The following ITSN2 variants were observed in gnomAD, a reference collection of about 807,000 sequenced individuals.
ITSN2 encodes intersectin 2.
Under a neutral mutation model 243.7 loss-of-function variants are expected in ITSN2, and 156 were observed. The ratio of observed to expected loss-of-function variants is 0.64; its 90% confidence interval spans 0.56 to 0.73. The LOEUF (loss-of-function observed/expected upper bound fraction) is 0.73. Ranked by LOEUF, ITSN2 falls within the 30% of genes least tolerant of loss-of-function variation. ITSN2 has a pLI of 0.00. For missense variants in ITSN2, 1,801 were observed against 1,996.1 expected (o/e 0.90, Z 1.86); for synonymous variants, 703 against 699.9 (o/e 1.00, Z -0.07).
In ITSN2 at chr2:24,216,208, G is replaced by A. The variant is rs146336289; in HGVS notation, c.3831C>T (p.Thr1277=). The A allele has an allele frequency of 8.0e-5, 128 of 1,605,186 alleles. No individual in the cohort carries two copies. In the African/African-American group the frequency reaches 1.3e-3, roughly 17 times the overall value. ...LLKALRVRKK[T]GGEKMPVQMI... ...TCTGCACCGGCATCTTCTCGCCCCCGGTCTTCTTCCGCACCCGCAAAGCCC... is the reference window on the plus strand; with the variant it reads ...TCTGCACCGGCATCTTCTCGCCCCCAGTCTTCTTCCGCACCCGCAAAGCCC... The change falls in exon 32 of 40, where the codon ACC becomes ACT. Residue 1277 remains threonine, a synonymous_variant. Coordinates refer to ENST00000355123, the MANE Select transcript of ITSN2 (RefSeq NM_006277.3).
At chr2:24,309,512 T>C (rs1404636597) in intron 7 of ITSN2, among the ~76,000 whole-genome samples, 1 of 152,204 alleles carries the variant, frequency 6.6e-6, no homozygotes, top group Non-Finnish European at 1.5e-5. Flanking sequence ...TGGTGACTGC[T>C]TTTGCATTTT....
chr2:24,246,850 T>A lies in ITSN2; in HGVS notation c.3332A>T (p.His1111Leu), dbSNP rs1042593994. The A allele has an allele frequency of 3.7e-6, 6 of 1,613,304 alleles. No individual in the cohort carries two copies. Among genetic ancestry groups the A allele is most frequent in the Admixed American group, 1.7e-5 (1 of 59,950 alleles). ...KRQKGWFPAS[H>L]VKLLGPSSER... ...ACTACTTGGACCCAAAAGTTTAACA[T>A]GACTGGCAGGAAACCATCCTTTCTG... Residue 1111 changes from histidine to leucine, a missense_variant, in exon 28 of 40, where the codon CAT becomes CTT. By Grantham distance (99) the His-to-Leu change is moderately conservative (BLOSUM62 -3). Transcript: ENST00000355123.
chr2:24,310,452 A>G, intron 6 of ITSN2, 37 bp downstream of exon 6: 1 of 1,608,456 alleles, frequency 6.2e-7, no homozygotes, highest in Non-Finnish European at 8.5e-7. Flanking sequence ...TTCTTTCTTT[A>G]CATGAAATAA....
intron 8 of ITSN2, among the ~76,000 whole-genome samples, chr2:24,306,863 T>C (rs1320487941): frequency 2.0e-5 from 3 of 151,970 alleles, no homozygotes; most frequent in Admixed American, 1.3e-4. Context: ...TGGAGTGCAC[T>C]GGCGCAATCT....
rs750854443 is a variant in ITSN2, at chr2:24,246,252, G to A, written c.3454C>T (p.Gln1152Ter). 6.2e-7 allele frequency: 1 copy of A among 1,612,572 alleles called. No homozygotes were observed. The highest frequency in any genetic ancestry group is 1.1e-5 in the South Asian group (1 of 91,032). ...TCTTTGTTCATAACATTAATGAGTT[G>A]TCCCTTGGAGAAACTGAGCTCATCT... ...NEDELSFSKGQLINVMNKDDP... is the reference protein window; with the variant it reads ...NEDELSFSKG The change falls in exon 29 of 40, where the codon CAA becomes TAA. Residue 1152 changes from glutamine to a stop codon, truncating the protein, a stop_gained. Transcript: ENST00000355123. LOFTEE classifies it high-confidence loss of function.
intron 29 of ITSN2, chr2:24,241,051 T>C (rs1048225353): frequency 2.0e-5 from 3 of 152,182 alleles, no homozygotes; most frequent in Admixed American, 6.5e-5. Context: ...AGAAGCTCCA[T>C]GAACACAGAG....
chr2:24,290,600 GT>G (rs1680122295), intron 15 of ITSN2, among the ~76,000 whole-genome samples: 1 of 152,050 alleles, frequency 6.6e-6, no homozygotes, highest in Non-Finnish European at 1.5e-5. Flanking sequence ...TTTTTAAGTT[GT>G]TTTTATGTTT....
chr2:24,244,578 C>T (rs1451921938), intron 29 of ITSN2, among the ~76,000 whole-genome samples: 1 of 152,132 alleles, frequency 6.6e-6, no homozygotes, highest in Non-Finnish European at 1.5e-5. Flanking sequence ...TCTTCCAAAC[C>T]CAGTAGGTCT....
chr2:24,248,235 G>T (rs921106731), intron 27 of ITSN2, among the ~76,000 whole-genome samples: 1 of 151,902 alleles, frequency 6.6e-6, no homozygotes, highest in Non-Finnish European at 1.5e-5. Context: ...GACCACTAGC[G>T]GACAGCCCAA....
chr2:24,207,404 A>G (rs569172463), intron 37 of ITSN2, among the ~76,000 whole-genome samples: 1 of 152,184 alleles, frequency 6.6e-6, no homozygotes, highest in East Asian at 1.9e-4. Flanking sequence ...TGCTGGAAGG[A>G]GGCTGGTGGT....
intron 1 of ITSN2, among the ~76,000 whole-genome samples, chr2:24,350,036 G>A (rs946015770): frequency 2.0e-5 from 3 of 152,062 alleles, no homozygotes; most frequent in Non-Finnish European, 2.9e-5. Flanking sequence ...TAGAGCCCTC[G>A]GTAAGTTCTA....
At chr2:24,308,574 A>G (rs769935782) in intron 8 of ITSN2, 43 bp downstream of exon 8, 9 of 1,268,376 alleles carry the variant, frequency 7.1e-6, no homozygotes, top group Non-Finnish European at 8.2e-6. Context: ...AAGTCCACAT[A>G]AAAGACCCTT....
chr2:24,203,625 C>A lies in ITSN2; in HGVS notation c.*1G>T, dbSNP rs527596303. ...CCCGCTGGTGCTGTCCTTTAGAACC[C>A]CTACAGGAGAGTTTTTTGCTCAAAA... On this transcript the variant is annotated 3_prime_UTR_variant, in exon 40 of 40. Coordinates refer to ENST00000355123, the MANE Select transcript of ITSN2 (RefSeq NM_006277.3). The A allele has an allele frequency of 6.2e-7, 1 of 1,613,262 alleles. No homozygotes were observed. Among genetic ancestry groups the A allele is most frequent in the East Asian group, 2.2e-5 (1 of 44,878 alleles).
chr2:24,335,507 A>T lies in ITSN2; in HGVS notation c.-33-7392T>A, dbSNP rs190619963. ...ACCACCATGCTCAGCTAATTTTTAA[A>T]TTTTTTTGTAGAGATGCGGCCTCAC... On this transcript the variant is annotated intron_variant, in intron 1 of 39. Transcript: ENST00000355123. Among the ~76,000 whole-genome samples the T allele has an allele frequency of 5.8e-3, 876 of 152,092 alleles. 12 individuals are homozygous for T. Among genetic ancestry groups the T allele is most frequent in the African/African-American group, 0.02 (838 of 41,484 alleles).
At chr2:24,297,960 A>C (rs960529560) in intron 13 of ITSN2, among the ~76,000 whole-genome samples, 3 of 152,026 alleles carry the variant, frequency 2.0e-5, no homozygotes, top group African/African-American at 4.8e-5. Context: ...CTAATTCACG[A>C]GAGATTTTAA....
chr2:24,311,001 T>A (rs1360951486), intron 5 of ITSN2, among the ~76,000 whole-genome samples: 1 of 152,208 alleles, frequency 6.6e-6, no homozygotes, highest in Non-Finnish European at 1.5e-5. Context: ...AAGAATACAT[T>A]ACCAGATCAA....
intron 2 of ITSN2, chr2:24,321,752 GC>G (rs1278522561): frequency 6.6e-6 from 1 of 152,118 alleles, no homozygotes; most frequent in Admixed American, 6.5e-5. Context: ...AAATTATGAT[GC>G]TGATTTTAAA....
chr2:24,357,270 C>T (rs1350461928), intron 1 of ITSN2, among the ~76,000 whole-genome samples: 2 of 152,136 alleles, frequency 1.3e-5, no homozygotes, highest in African/African-American at 2.4e-5. Context: ...ATGTGATATA[C>T]ATACACCATG....
chr2:24,301,179 T>C lies in ITSN2; in HGVS notation c.1056A>G (p.Glu352=). Residue 352 remains glutamate (E), a synonymous_variant, in exon 11 of 40, where the codon GAA becomes GAG. Transcript: ENST00000355123. ...GTLPSYQKMQ[E]EEPQKKLPVT... ...CTGGTAATTTCTTCTGAGGCTCCTC[T>C]TCTTGCATTTTCTGATATGAAGGCA... 1 of 1,607,944 alleles carries C rather than the reference T, an allele frequency of 6.2e-7. No homozygotes were observed. The highest frequency in any genetic ancestry group is 8.5e-7 in the Non-Finnish European group (1 of 1,176,006).
Sources: gnomAD v4.1 joint callset for allele counts (sites outside exome capture counted in the v4.1 genomes callset) on GRCh38, gnomAD v4.1.1 for gene constraint, MANE v1.5 for transcripts, NCBI Gene and HGNC (gene_info 2026-07-23, HGNC 2026-07-21) for gene names.